IQCM: variants seen among roughly 807,000 people sequenced by gnomAD.
IQCM encodes the protein IQ domain-containing protein M.
A neutral mutation model predicts 57.6 loss-of-function variants in IQCM; 45 were observed. That is an observed-to-expected ratio of 0.78 (90% CI 0.62 to 1.00). IQCM has a LOEUF of 1.00. Among genes scored for constraint, IQCM ranks in the 50% least tolerant of loss-of-function variants. The pLI is 0.00. For missense variants in IQCM, 468 were observed against 511.6 expected, an observed-to-expected ratio of 0.91 and a Z score of 0.82; for synonymous variants, 148 against 158.9, an observed-to-expected ratio of 0.93 and a Z score of 0.51.
At chr4:149,743,281 T>C (rs1012793652) in intron 2 of IQCM, among the ~76,000 whole-genome samples, 4 of 152,274 alleles carry the variant, frequency 2.6e-5, no homozygotes, top group Admixed American at 6.5e-5. Flanking sequence ...ATTTATATCC[T>C]ACCTGCCCTC....
At chr4:149,731,755 G>A (rs1766479885) in intron 5 of IQCM, among the ~76,000 whole-genome samples, 1 of 152,132 alleles carries the variant, frequency 6.6e-6, no homozygotes. Context: ...AATGAACTGG[G>A]GGTAGCAAGG....
chr4:149,765,913 C>A (rs190988809), intron 2 of IQCM, among the ~76,000 whole-genome samples: 2 of 152,074 alleles, frequency 1.3e-5, no homozygotes, highest in African/African-American at 4.8e-5. Flanking sequence ...TGACTCGCAC[C>A]CAAGAAATTT....
At chr4:149,768,685 A>G (rs1177549629) in intron 2 of IQCM, among the ~76,000 whole-genome samples, 9 of 152,004 alleles carry the variant, frequency 5.9e-5, no homozygotes, top group Non-Finnish European at 4.4e-5. Flanking sequence ...ACCCCTAATC[A>G]GGGTAAGGTT....
intron 12 of IQCM, among the ~76,000 whole-genome samples, chr4:149,481,696 G>GTTTTGTTTTTTTTTTTTTTTTTTTTTTT (rs1740807413): frequency 3.0e-5 from 1 of 33,602 alleles, no homozygotes; most frequent in Non-Finnish European, 5.2e-5. Flanking sequence ...GATTCTTCCA[G>GTTTTGTTTTTTTTTTTTTTTTTTTTTTT]TTTTGTTTTT....
chr4:149,744,661 T>C (rs534848577), intron 2 of IQCM, among the ~76,000 whole-genome samples: 31 of 151,352 alleles, frequency 2.0e-4, no homozygotes, highest in Middle Eastern at 3.4e-3. Flanking sequence ...AAGGATGGAA[T>C]TGCTTAGAGA....
At chr4:149,741,521 C>A (rs985963039) in intron 3 of IQCM, among the ~76,000 whole-genome samples, 4 of 152,128 alleles carry the variant, frequency 2.6e-5, no homozygotes, top group Non-Finnish European at 5.9e-5. Context: ...ACCTTCCCAT[C>A]TTTAAAAGTG....
At chr4:149,546,542 G>A (rs1202908714) in intron 12 of IQCM, among the ~76,000 whole-genome samples, 1 of 152,168 alleles carries the variant, frequency 6.6e-6, no homozygotes, top group Non-Finnish European at 1.5e-5. Context: ...TCTCATTGTG[G>A]TTTTGATATG....
At chr4:149,603,024 T>C (rs1271714217) in intron 8 of IQCM, among the ~76,000 whole-genome samples, 1 of 152,078 alleles carries the variant, frequency 6.6e-6, no homozygotes, top group Non-Finnish European at 1.5e-5. Context: ...ACAAATATAG[T>C]GTACTACATT....
intron 8 of IQCM, among the ~76,000 whole-genome samples, chr4:149,614,412 G>T (rs1755593087): frequency 6.6e-6 from 1 of 152,010 alleles, no homozygotes; most frequent in African/African-American, 2.4e-5. Flanking sequence ...TTCATTTCTT[G>T]CCACCTTCCC....
At chr4:149,494,493 T>C (rs1050920334) in intron 12 of IQCM, among the ~76,000 whole-genome samples, 6 of 152,146 alleles carry the variant, frequency 3.9e-5, no homozygotes, top group Admixed American at 2.0e-4. Context: ...AAAACAAAAA[T>C]CAAGTCTTCA....
intron 12 of IQCM, among the ~76,000 whole-genome samples, chr4:149,458,719 A>G (rs1207101644): frequency 6.6e-6 from 1 of 152,140 alleles, no homozygotes; most frequent in Non-Finnish European, 1.5e-5. Flanking sequence ...CTAAAAGCTA[A>G]TTCAGAATTT....
intron 2 of IQCM, among the ~76,000 whole-genome samples, chr4:149,747,674 G>A (rs1204814358): frequency 1.3e-5 from 2 of 152,284 alleles, no homozygotes; most frequent in Admixed American, 6.5e-5. Context: ...AAACTTGTGA[G>A]AGGGCCATAA....
intron 13 of IQCM, among the ~76,000 whole-genome samples, chr4:149,414,469 G>A (rs1578979850): frequency 6.6e-6 from 1 of 152,102 alleles, no homozygotes; most frequent in African/African-American, 2.4e-5. Flanking sequence ...TGAGAGAAAA[G>A]CAGTTTTGGA....
intron 9 of IQCM, among the ~76,000 whole-genome samples, chr4:149,565,841 C>A (rs1318950229): frequency 6.6e-6 from 1 of 152,026 alleles, no homozygotes; most frequent in Non-Finnish European, 1.5e-5. Context: ...ATAAATTAGC[C>A]TTGTACAATA....
chr4:149,697,182 C>G (rs1763404180), intron 5 of IQCM, among the ~76,000 whole-genome samples: 1 of 152,152 alleles, frequency 6.6e-6, no homozygotes, highest in South Asian at 2.1e-4. Flanking sequence ...TCTCTCTCAG[C>G]TGATTTCACA....
chr4:149,485,514 T>C (rs1170767840), intron 12 of IQCM, among the ~76,000 whole-genome samples: 1 of 151,944 alleles, frequency 6.6e-6, no homozygotes, highest in Non-Finnish European at 1.5e-5. Flanking sequence ...TGATTCATTC[T>C]TCTGCATGTC....
At chr4:149,810,059 C>A (rs979600405) in intron 2 of IQCM, among the ~76,000 whole-genome samples, 5 of 152,042 alleles carry the variant, frequency 3.3e-5, no homozygotes, top group African/African-American at 4.8e-5. Flanking sequence ...GGTCATAGAT[C>A]AGCTGCTTTT....
intron 7 of IQCM, among the ~76,000 whole-genome samples, chr4:149,639,820 T>G (rs1467771036): frequency 6.6e-6 from 1 of 152,050 alleles, no homozygotes; most frequent in Non-Finnish European, 1.5e-5. Context: ...TCCCAGCTAC[T>G]TGGAAGGCTG....
chr4:149,688,570 A>C (rs1165184791), intron 5 of IQCM, among the ~76,000 whole-genome samples: 1 of 151,988 alleles, frequency 6.6e-6, no homozygotes. Flanking sequence ...TCAAAATACC[A>C]CCATCATTCT....
Sources: gnomAD v4.1 joint callset for allele counts (sites outside exome capture counted in the v4.1 genomes callset) on GRCh38, gnomAD v4.1.1 for gene constraint, MANE v1.5 for transcripts, NCBI Gene and HGNC (gene_info 2026-07-23, HGNC 2026-07-21) for gene names.